Variants in SLC22A8 observed in about 807,000 individuals in gnomAD.
SLC22A8 encodes organic anion transporter 3.
SLC22A8 carries 40 observed loss-of-function variants against 48.4 expected under a neutral mutation model. The observed-to-expected ratio is 0.83, with a 90% confidence interval of 0.64 to 1.08. The LOEUF is 1.08. SLC22A8 is among the 50% of genes least tolerant of loss of function. SLC22A8 has a pLI of 0.00. For missense variants in SLC22A8, 606 were observed against 699.0 expected (o/e 0.87, Z 1.50); for synonymous variants, 268 against 286.3 (o/e 0.94, Z 0.65).
intron 7 of SLC22A8, 198 bp downstream of exon 7, chr11:62,995,506 G>T: frequency 1.7e-6 from 1 of 590,072 alleles, no homozygotes; most frequent in Non-Finnish European, 3.0e-6. Context: ...GAGGGAAGCA[G>T]ACCCTGATGG....
intron 7 of SLC22A8, chr11:62,995,259 A>C (rs2086401485): frequency 8.3e-6 from 2 of 240,246 alleles, no homozygotes; most frequent in East Asian, 2.0e-4. Context: ...AAGGGCTTTC[A>C]GGGAGCAGGA....
intron 5 of SLC22A8, among the ~76,000 whole-genome samples, chr11:62,996,926 C>G (rs79767038): frequency 0.027 from 4,173 of 152,324 alleles, 172 homozygotes; most frequent in African/African-American, 0.095. Context: ...GACCTGGATC[C>G]GGTGAGGCCC....
chr11:63,012,170 A>G (rs985218567), intron 2 of SLC22A8, among the ~76,000 whole-genome samples: 4 of 151,840 alleles, frequency 2.6e-5, no homozygotes, highest in African/African-American at 9.7e-5. Context: ...TTATGTTTTT[A>G]GTAGAGACAG....
At chr11:62,996,383 C>T (rs186131900) in intron 5 of SLC22A8, among the ~76,000 whole-genome samples, 474 of 152,348 alleles carry the variant, frequency 3.1e-3, no homozygotes, top group Non-Finnish European at 4.5e-3. Context: ...TTTCCTCTGC[C>T]CCCGACCTGG....
intron 1 of SLC22A8, among the ~76,000 whole-genome samples, chr11:63,015,489 C>T (rs1267358446): frequency 6.6e-6 from 1 of 152,206 alleles, no homozygotes; most frequent in East Asian, 1.9e-4. Flanking sequence ...TTGCTCCAGG[C>T]AGATACACAG....
intron 2 of SLC22A8, 56 bp downstream of exon 2, chr11:63,014,570 G>A: frequency 7.1e-7 from 1 of 1,416,270 alleles, no homozygotes; most frequent in Non-Finnish European, 9.7e-7. Flanking sequence ...CCCACCAGCG[G>A]TGCAGGGTAT....
intron 2 of SLC22A8, among the ~76,000 whole-genome samples, chr11:63,009,714 A>G (rs1171727431): frequency 6.6e-6 from 1 of 152,114 alleles, no homozygotes; most frequent in East Asian, 1.9e-4. Context: ...AGCTTAGGGG[A>G]TCAGAAGGGG....
intron 5 of SLC22A8, among the ~76,000 whole-genome samples, chr11:62,997,100 ATCC>A (rs1416633606): frequency 3.3e-5 from 5 of 152,288 alleles, no homozygotes; most frequent in East Asian, 1.9e-4. Context: ...CTGGCACTCT[ATCC>A]TCCTCTTCCC....
chr11:62,994,421 G>A, intron 8 of SLC22A8, 121 bp downstream of exon 8: 1 of 694,356 alleles, frequency 1.4e-6, no homozygotes, highest in Non-Finnish European at 2.5e-6. Flanking sequence ...CTGAGCCCCA[G>A]AGAGTGCAGG....
chr11:63,009,898 G>C (rs931860745), intron 2 of SLC22A8, among the ~76,000 whole-genome samples: 1 of 152,174 alleles, frequency 6.6e-6, no homozygotes, highest in Non-Finnish European at 1.5e-5. Context: ...TGCTGACTGT[G>C]GGGGAGGAGC....
rs149708712 is a variant in SLC22A8 at position 63,000,149 on chromosome 11, C to T, written c.438-307G>A. ...TGCCTCCACTGCTACACAGCCACTACGCTGTGTCCCAAAACCTGGAGGTTT... is the reference window on the plus strand; with the variant it reads ...TGCCTCCACTGCTACACAGCCACTATGCTGTGTCCCAAAACCTGGAGGTTT... On this transcript the variant is annotated intron_variant, in intron 3 of 10. Transcript: ENST00000336232. Among the ~76,000 whole-genome samples, 61 of 152,336 alleles carry T rather than the reference C, an allele frequency of 4.0e-4. 1 individual carries two copies. The East Asian group carries it at 7.0e-3, about 17-fold the overall frequency.
At chr11:62,997,665 C>T (rs934907459) in intron 5 of SLC22A8, among the ~76,000 whole-genome samples, 2 of 152,218 alleles carry the variant, frequency 1.3e-5, no homozygotes, top group Non-Finnish European at 2.9e-5. Context: ...CTAGGTTGCC[C>T]ATCCCCTCTG....
chr11:62,993,420 T>C lies in SLC22A8; in HGVS notation c.1529+4A>G. On this transcript the variant is annotated splice_donor_region_variant and intron_variant, in intron 10 of 10. Coordinates refer to ENST00000336232, the MANE Select transcript of SLC22A8 (RefSeq NM_004254.4). The stretch of plus-strand genomic sequence containing the variant: ...CACTGATGGGGCCAGAGGCAGTGAC[T>C]GACCAGTTTTCCAGGTCTTCGATAG... The C allele has an allele frequency of 6.2e-7, 1 of 1,614,088 alleles. No homozygotes were observed. Among genetic ancestry groups the C allele is most frequent in the South Asian group, 1.1e-5 (1 of 91,072 alleles).
intron 2 of SLC22A8, among the ~76,000 whole-genome samples, chr11:63,012,156 A>G (rs1162161799): frequency 2.6e-5 from 4 of 151,658 alleles, no homozygotes; most frequent in Admixed American, 2.6e-4. Flanking sequence ...CACCTTGCTA[A>G]TTTTTATGTT....
intron 2 of SLC22A8, among the ~76,000 whole-genome samples, chr11:63,011,990 C>CTTT (rs763880600): frequency 7.1e-6 from 1 of 141,398 alleles, no homozygotes; most frequent in Non-Finnish European, 1.6e-5. Flanking sequence ...CTCTCTTTTT[C>CTTT]TTTTTTTTTT....
At chr11:62,999,293 C>G (rs146022361) in intron 4 of SLC22A8, 4 of 553,540 alleles carry the variant, frequency 7.2e-6, no homozygotes, top group African/African-American at 5.6e-5. Flanking sequence ...ACAGCTGAGG[C>G]TCAAGGCGAT....
intron 8 of SLC22A8, chr11:62,994,190 G>A (rs1456083808): frequency 1.9e-6 from 1 of 518,186 alleles, no homozygotes; most frequent in Non-Finnish European, 3.5e-6. Context: ...GCTTTTCCAA[G>A]GTCATGATGG....
intron 7 of SLC22A8, chr11:62,995,387 G>A (rs1265314466): frequency 1.7e-5 from 7 of 418,554 alleles, no homozygotes; most frequent in African/African-American, 1.2e-4. Context: ...CCAGAGGGGG[G>A]CAGTGACAGA....
chr11:63,000,921 G>C (rs1206901841), intron 2 of SLC22A8, 98 bp from the exon 3 acceptor site: 12 of 905,016 alleles, frequency 1.3e-5, no homozygotes, highest in Non-Finnish European at 2.0e-5. Flanking sequence ...TCCTCTCCCA[G>C]CGCCCTGACT....
Sources: gnomAD v4.1 joint callset for allele counts (sites outside exome capture counted in the v4.1 genomes callset) on GRCh38, gnomAD v4.1.1 for gene constraint, MANE v1.5 for transcripts, NCBI Gene and HGNC (gene_info 2026-07-23, HGNC 2026-07-21) for gene names.